FIG4: variants seen among roughly 807,000 people sequenced by gnomAD.
The protein encoded by FIG4 is polyphosphoinositide phosphatase.
A neutral mutation model predicts 118.6 loss-of-function variants in FIG4; 112 were observed. That is an observed-to-expected ratio of 0.94 (90% CI 0.81 to 1.11). FIG4 has a LOEUF of 1.11. FIG4 is among the 50% of genes least tolerant of loss of function. The pLI is 0.00. For synonymous variants in FIG4, 369 were observed against 381.2 expected, an observed-to-expected ratio of 0.97 and a Z score of 0.37; for missense variants, 969 against 1,111.7, an observed-to-expected ratio of 0.87 and a Z score of 1.83.
intron 1 of FIG4, among the ~76,000 whole-genome samples, chr6:109,712,568 T>G (rs559513388): frequency 6.6e-6 from 1 of 152,200 alleles, no homozygotes; most frequent in Admixed American, 6.5e-5. Flanking sequence ...ATGAAATTCT[T>G]GTAGTATGTT....
At chr6:109,765,581 T>G (rs1351560353) in intron 14 of FIG4, among the ~76,000 whole-genome samples, 1 of 152,216 alleles carries the variant, frequency 6.6e-6, no homozygotes, top group Non-Finnish European at 1.5e-5. Flanking sequence ...TTGTTGTTTT[T>G]GCTTGTGTTA....
chr6:109,769,673 A>G (rs1777399236), intron 15 of FIG4, among the ~76,000 whole-genome samples: 1 of 151,628 alleles, frequency 6.6e-6, no homozygotes, highest in Non-Finnish European at 1.5e-5. Flanking sequence ...GTAATCCTGC[A>G]CTTTGGGAGA....
intron 20 of FIG4, 22 bp from the exon 21 acceptor site, chr6:109,792,560 C>T: frequency 1.0e-5 from 13 of 1,254,950 alleles, no homozygotes; most frequent in Admixed American, 7.7e-5. Flanking sequence ...CCTGGTTCTT[C>T]TTTTTTTTTT....
intron 16 of FIG4, among the ~76,000 whole-genome samples, chr6:109,780,285 C>T (rs1777762087): frequency 6.6e-6 from 1 of 152,196 alleles, no homozygotes; most frequent in African/African-American, 2.4e-5. Context: ...GATCTCGGCT[C>T]ACTGCAGCCT....
At chr6:109,748,398 G>T (rs1776572964) in intron 10 of FIG4, among the ~76,000 whole-genome samples, 1 of 152,148 alleles carries the variant, frequency 6.6e-6, no homozygotes, top group Non-Finnish European at 1.5e-5. Flanking sequence ...AGGGCTTAAA[G>T]AACAGGGCTG....
intron 14 of FIG4, among the ~76,000 whole-genome samples, chr6:109,766,410 T>C (rs1049675456): frequency 6.6e-6 from 1 of 152,188 alleles, no homozygotes; most frequent in African/African-American, 2.4e-5. Context: ...TACATTCCGT[T>C]ATGGGAAGTG....
At chr6:109,767,947 G>C (rs1777334350) in intron 15 of FIG4, among the ~76,000 whole-genome samples, 1 of 152,204 alleles carries the variant, frequency 6.6e-6, no homozygotes, top group South Asian at 2.1e-4. Flanking sequence ...AAGAGAGTGG[G>C]CTTCAACAGG....
chr6:109,718,426 A>T (rs1208077741), intron 3 of FIG4, among the ~76,000 whole-genome samples: 2 of 152,164 alleles, frequency 1.3e-5, no homozygotes, highest in Non-Finnish European at 2.9e-5. Context: ...TGTTTTTCAG[A>T]TTCTTATTTT....
At chr6:109,784,406 A>T (rs1562682318) in intron 16 of FIG4, among the ~76,000 whole-genome samples, 1 of 152,242 alleles carries the variant, frequency 6.6e-6, no homozygotes. Context: ...ACAGTTAAAG[A>T]ATAACGGTCT....
intron 15 of FIG4, among the ~76,000 whole-genome samples, chr6:109,769,519 A>G (rs754076790): frequency 2.6e-5 from 4 of 152,136 alleles, no homozygotes; most frequent in African/African-American, 4.8e-5. Flanking sequence ...TGGTGGCAAT[A>G]TAGAAGAATT....
chr6:109,705,410 A>G (rs972847638), intron 1 of FIG4, among the ~76,000 whole-genome samples: 4 of 152,202 alleles, frequency 2.6e-5, no homozygotes, highest in South Asian at 2.1e-4. Context: ...TCTTTCCCTC[A>G]TAACTGGCTC....
chr6:109,784,922 C>G (rs752158841), intron 16 of FIG4, 48 bp from the exon 17 acceptor site: 17 of 1,036,296 alleles, frequency 1.6e-5, no homozygotes, highest in Non-Finnish European at 2.5e-5. Context: ...TTTTAGAAAA[C>G]CAACATTTAC....
chr6:109,695,601 G>GACACACACACACACAC (rs202167631), intron 1 of FIG4, among the ~76,000 whole-genome samples: 79 of 99,342 alleles, frequency 8.0e-4, no homozygotes, highest in East Asian at 4.1e-3. Flanking sequence ...CACACACACA[G>GACACACACACACACAC]ACACACACAC....
chr6:109,753,840 C>T (rs1435569330), intron 10 of FIG4, among the ~76,000 whole-genome samples: 1 of 152,178 alleles, frequency 6.6e-6, no homozygotes, highest in East Asian at 1.9e-4. Flanking sequence ...AGATTTTGAG[C>T]TGAGACAATA....
At chr6:109,821,075 T>C (rs1171647676) in intron 22 of FIG4, among the ~76,000 whole-genome samples, 2 of 152,200 alleles carry the variant, frequency 1.3e-5, no homozygotes, top group Non-Finnish European at 2.9e-5. Flanking sequence ...TGAAAGGGGC[T>C]GAGGCCGTCT....
chr6:109,801,552 A>AAAT (rs1212304119), intron 22 of FIG4, among the ~76,000 whole-genome samples: 1 of 152,166 alleles, frequency 6.6e-6, no homozygotes, highest in Non-Finnish European at 1.5e-5. Flanking sequence ...CATCTCAAAA[A>AAAT]AATAATAATA....
chr6:109,791,427 C>T lies in FIG4; in HGVS notation c.2232C>T (p.Ser744=), dbSNP rs760578430. 153 of 1,613,378 alleles carry T rather than the reference C, an allele frequency of 9.5e-5. 1 individual carries two copies. The highest frequency in any genetic ancestry group is 1.6e-4 in the Middle Eastern group (1 of 6,080). ...TATTACAGCGGAAAACGGCAGCCAGCGCCCCGCCGCCCCCCAGCGAGGAGG... is the reference window on the plus strand; with the variant it reads ...TATTACAGCGGAAAACGGCAGCCAGTGCCCCGCCGCCCCCCAGCGAGGAGG... ...EAVLQRKTAA[S]APPPPSEEAV... The change falls in exon 20 of 23, where the codon AGC becomes AGT. Residue 744 remains serine (S), a synonymous_variant. Transcript: ENST00000230124.
chr6:109,771,366 C>A (rs1402158016), intron 15 of FIG4, among the ~76,000 whole-genome samples: 1 of 151,998 alleles, frequency 6.6e-6, no homozygotes, highest in East Asian at 1.9e-4. Flanking sequence ...AACTTGTCCT[C>A]TCTCCTTAAA....
chr6:109,810,042 A>G lies in FIG4; in HGVS notation c.2546+13191A>G, dbSNP rs548435800. The stretch of plus-strand genomic sequence containing the variant: ...GTAGTGCCCAGGGCAGAAGGGAAAC[A>G]CTGACTCTGTGTCTCCTCCTTAGGG... On this transcript the variant is annotated intron_variant, in intron 22 of 22. Coordinates refer to ENST00000230124, the MANE Select transcript of FIG4 (RefSeq NM_014845.6). Among the ~76,000 whole-genome samples, 18 of 152,212 alleles carry G rather than the reference A, an allele frequency of 1.2e-4. No homozygotes were observed. The East Asian group carries it at 3.1e-3, about 26-fold the overall frequency.
Sources: gnomAD v4.1 joint callset for allele counts (sites outside exome capture counted in the v4.1 genomes callset) on GRCh38, gnomAD v4.1.1 for gene constraint, MANE v1.5 for transcripts, NCBI Gene and HGNC (gene_info 2026-07-23, HGNC 2026-07-21) for gene names.